CNOT1: variants seen among roughly 807,000 people sequenced by gnomAD.
CNOT1 encodes CCR4-NOT transcription complex subunit 1, also known as CCR4-associated factor 1.
In CNOT1, 15 loss-of-function variants were observed where a neutral mutation model predicts 273.8. The observed-to-expected ratio is 0.05, with a 90% confidence interval of 0.04 to 0.08. The LOEUF (loss-of-function observed/expected upper bound fraction) is 0.08. CNOT1 is among the 10% of genes least tolerant of loss of function. CNOT1 has a pLI of 1.00. For synonymous variants in CNOT1, 1,022 were observed against 1,005.5 expected (o/e 1.02, Z -0.31); for missense variants, 1,644 against 2,912.2 (o/e 0.56, Z 10.02).
chr16:58,578,609 A>G, intron 13 of CNOT1, 90 bp downstream of exon 13: 1 of 1,521,610 alleles, frequency 6.6e-7, no homozygotes, highest in Non-Finnish European at 8.8e-7. Context: ...AGAGATGTAA[A>G]AAAAAATTTC....
rs779128137 is a variant in CNOT1 at position 58,546,517 on chromosome 16, G to C, written c.3829-19C>G. ...AGTTTAACTGCACAGTTCCAGAGTT[G>C]GATTAGAATTTTTAAAAGAAAACTT... is the stretch of plus-strand genomic sequence containing the variant. On this transcript the variant is annotated intron_variant, in intron 28 of 48. Transcript: ENST00000317147. 1.2e-6 allele frequency: 2 copies of C among 1,601,766 alleles called. No individual in the cohort carries two copies. The highest frequency in any genetic ancestry group is 2.3e-5 in the South Asian group (2 of 88,610).
chr16:58,534,818 T>C (rs2039875792), intron 39 of CNOT1, among the ~76,000 whole-genome samples: 1 of 152,242 alleles, frequency 6.6e-6, no homozygotes, highest in Non-Finnish European at 1.5e-5. Flanking sequence ...GATTTGAAGA[T>C]AATTTCCTCA....
rs775690820 is a variant in CNOT1, at chr16:58,521,966, TTAAA to T, written c.6918-653_6918-650del. 7.0e-4 allele frequency among the ~76,000 whole-genome samples: 106 copies of T among 150,558 alleles called. No individual in the cohort carries two copies. In the East Asian group the frequency reaches 9.0e-3, roughly 13 times the overall value. The stretch of plus-strand genomic sequence containing the variant: ...ACCCTGTCTCAAATAAACAGATAAA[TTAAA>T]TAAATAAATAAGCTCACTCTCAATA... On this transcript the variant is annotated intron_variant, in intron 47 of 48. Coordinates refer to ENST00000317147, the MANE Select transcript of CNOT1 (RefSeq NM_016284.5).
At chr16:58,622,401 A>T (rs1392645429) in intron 1 of CNOT1, among the ~76,000 whole-genome samples, 1 of 148,630 alleles carries the variant, frequency 6.7e-6, no homozygotes, top group East Asian at 2.0e-4. Flanking sequence ...AGGAGATAAT[A>T]CAGGAAACCT....
intron 1 of CNOT1, among the ~76,000 whole-genome samples, chr16:58,621,084 C>T (rs564216214): frequency 4.6e-5 from 7 of 151,746 alleles, no homozygotes; most frequent in African/African-American, 1.7e-4. Context: ...TCACAGCCCA[C>T]TGCAGCCTCG....
intron 2 of CNOT1, among the ~76,000 whole-genome samples, chr16:58,589,509 T>C (rs1416716119): frequency 2.0e-5 from 3 of 151,544 alleles, no homozygotes; most frequent in Non-Finnish European, 1.5e-5. Flanking sequence ...TGAAACGTCG[T>C]CTCAAAAAAA....
At position 58,574,726 on chromosome 16, in the gene CNOT1, T is replaced by C. The variant is rs149234162; in HGVS notation, c.1862A>G (p.Lys621Arg). ...PFIQACMTFL[K>R]RRCPSILGGL... Reference sequence around the variant, plus strand: ...GCCCAAAATAGAAGGACACCGTCTCTTTAAAAAAGTCATACACGCCTGGAT... The same window carrying C: ...GCCCAAAATAGAAGGACACCGTCTCCTTAAAAAAGTCATACACGCCTGGAT... The change falls in exon 16 of 49, where the codon AAG becomes AGG. Residue 621 changes from lysine to arginine, a missense_variant. Lys to Arg is a conservative substitution (Grantham distance 26, BLOSUM62 2). Around this residue, in one of 13 missense-constraint regions of CNOT1, gnomAD observed 706 missense variants for 1,021.2 expected, o/e 0.69. Transcript: ENST00000317147. 7.7e-5 allele frequency: 123 copies of C among 1,605,324 alleles called. No homozygotes were observed. The highest frequency in any genetic ancestry group is 1.0e-4 in the Non-Finnish European group (120 of 1,178,366).
At chr16:58,594,544 C>A (rs2042181094) in intron 2 of CNOT1, among the ~76,000 whole-genome samples, 1 of 152,062 alleles carries the variant, frequency 6.6e-6, no homozygotes, top group Admixed American at 6.6e-5. Flanking sequence ...GGGCTCACGT[C>A]TGTAATCCCA....
Position 58,553,788 on chromosome 16 carries a change from T to G in CNOT1, c.2964A>C (p.Leu988Phe). The G allele has an allele frequency of 6.2e-7, 1 of 1,612,004 alleles. No homozygotes were observed. Among genetic ancestry groups the G allele is most frequent in the Non-Finnish European group, 8.5e-7 (1 of 1,179,462 alleles). Residue 988 changes from leucine to phenylalanine, a missense_variant, in exon 22 of 49, where the codon TTA becomes TTC. Physicochemically the swap from Leu to Phe is conservative, Grantham distance 22. Around this residue, in one of 13 missense-constraint regions of CNOT1, gnomAD observed 77 missense variants for 90.5 expected, o/e 0.85. Coordinates refer to ENST00000317147, the MANE Select transcript of CNOT1 (RefSeq NM_016284.5). The stretch of plus-strand genomic sequence containing the variant: ...AGTTACAGAGGGCACTTACCTCCTG[T>G]AAATGATGTGGAAATTGCATAAAGT... ...ISHFMQFPHH[L>F]QEYIEYGQQS...
intron 16 of CNOT1, among the ~76,000 whole-genome samples, chr16:58,573,839 A>C (rs981904681): frequency 6.6e-6 from 1 of 152,134 alleles, no homozygotes; most frequent in African/African-American, 2.4e-5. Context: ...GAGCTGCAAC[A>C]ATTTTAAAAA....
rs138833198 is a variant in CNOT1 at position 58,611,248 on chromosome 16, G to A, written c.-174-11737C>T. 3.0e-3 allele frequency among the ~76,000 whole-genome samples: 451 copies of A among 150,888 alleles called. 6 individuals are homozygous for A. The highest frequency in any genetic ancestry group is 1.8e-3 in the East Asian group (9 of 5,028). ...GTTCAAGACCAGCCTGGGCAATACG[G>A]TGAAACCCTGTCTCTGCTAAAATAC... On this transcript the variant is annotated intron_variant, in intron 1 of 48. Transcript: ENST00000317147.
In CNOT1 at chr16:58,587,822, C is replaced by T; in HGVS notation, c.267G>A (p.Ser89=). 1.9e-6 allele frequency: 3 copies of T among 1,613,744 alleles called. No homozygotes were observed. The highest frequency in any genetic ancestry group is 8.5e-7 in the Non-Finnish European group (1 of 1,179,994). ...ALLITKPNFI[S]TLSYAIDNPL... is the part of the protein sequence containing the mutation. ...GATTATCAATGGCATAGGACAGCGTCGAGATAAAATTTGGCTTTGTAATCA... is the reference window on the plus strand; with the variant it reads ...GATTATCAATGGCATAGGACAGCGTTGAGATAAAATTTGGCTTTGTAATCA... The change falls in exon 4 of 49, where the codon TCG becomes TCA. Residue 89 remains serine, a synonymous_variant. Transcript: ENST00000317147.
Position 58,532,075 on chromosome 16 carries a change from G to A in CNOT1, c.6060C>T (p.Cys2020=). The change falls in exon 42 of 49, where the codon TGC becomes TGT. Residue 2020 remains cysteine (C), a splice_region_variant and synonymous_variant. Transcript: ENST00000317147. ...TAGGCCTCAAGATGTGGAATGTATT[G>A]CTGAAAGAAGAAAAACCTTAGTCAG... ...TINFQTLTAF[C]NTFHILRPTK... The A allele has an allele frequency of 6.2e-7, 1 of 1,613,924 alleles. No individual in the cohort carries two copies. Among genetic ancestry groups the A allele is most frequent in the Non-Finnish European group, 8.5e-7 (1 of 1,180,004 alleles).
At chr16:58,579,481 C>T (rs1465088319) in intron 12 of CNOT1, among the ~76,000 whole-genome samples, 2 of 151,850 alleles carry the variant, frequency 1.3e-5, no homozygotes, top group Admixed American at 6.6e-5. Context: ...TGGAAAGAGC[C>T]CTTTATCTGT....
At chr16:58,543,586 C>T in intron 31 of CNOT1, 21 bp downstream of exon 31, 1 of 1,614,032 alleles carries the variant, frequency 6.2e-7, no homozygotes, top group Non-Finnish European at 8.5e-7. Context: ...TGTACCTATA[C>T]CAAGGAAATA....
chr16:58,546,020 C>T (rs1252757882), intron 29 of CNOT1, among the ~76,000 whole-genome samples: 1 of 152,122 alleles, frequency 6.6e-6, no homozygotes, highest in Non-Finnish European at 1.5e-5. Flanking sequence ...TCATAGTATG[C>T]AGTTATTTCT....
In CNOT1 at chr16:58,536,895, C is replaced by T. The variant is rs149659667; in HGVS notation, c.5646+94G>A. The stretch of plus-strand genomic sequence containing the variant: ...TTTGCATGAGTATGGAGGTAACTGT[C>T]TGACCACATGTACGCAATACTGAGC... On this transcript the variant is annotated intron_variant, in intron 39 of 48. Transcript: ENST00000317147. 2.9e-4 allele frequency: 435 copies of T among 1,513,296 alleles called. No homozygotes were observed. The African/African-American group carries it at 5.4e-3, about 19-fold the overall frequency. The allele number at this position is 1,513,296 out of a possible 1,614,324, so 93.7% of individuals were successfully genotyped here.
chr16:58,520,765 C>A lies in CNOT1; in HGVS notation c.*193G>T. On this transcript the variant is annotated 3_prime_UTR_variant, in exon 49 of 49. Transcript: ENST00000317147. ...CATCTTCTAAATTTTGGCCAAGAGT[C>A]AAAAAAATGCATTTAAACTTTGGAA... 1 of 596,022 alleles carries A rather than the reference C, an allele frequency of 1.7e-6. No individual in the cohort carries two copies. The highest frequency in any genetic ancestry group is 2.9e-6 in the Non-Finnish European group (1 of 340,824). 36.9% of individuals were successfully genotyped at this position (596,022 alleles called of 1,614,324 possible). A position where few individuals can be genotyped will look rare whatever the true frequency, so the allele number is the denominator to read the frequency against.
intron 24 of CNOT1, 51 bp downstream of exon 24, chr16:58,551,081 A>G (rs2040435323): frequency 6.3e-7 from 1 of 1,595,358 alleles, no homozygotes; most frequent in African/African-American, 1.4e-5. Flanking sequence ...TACATCCTTT[A>G]GTCCATTAAG....
Sources: allele counts gnomAD v4.1 joint callset (sites outside exome capture counted in the v4.1 genomes callset), GRCh38; gene constraint gnomAD v4.1.1; regional missense constraint gnomAD v4.1.1; transcripts MANE v1.5; gene names NCBI Gene and HGNC (gene_info 2026-07-23, HGNC 2026-07-21).